The following SEZ6L variants were observed in gnomAD, a reference collection of about 807,000 sequenced individuals.
The protein encoded by SEZ6L is seizure 6-like protein.
A neutral mutation model predicts 106.2 loss-of-function variants in SEZ6L; 37 were observed. The ratio of observed to expected loss-of-function variants is 0.35; its 90% confidence interval spans 0.27 to 0.46. SEZ6L has a LOEUF of 0.46. Ranked by LOEUF, SEZ6L falls within the 20% of genes least tolerant of loss-of-function variation. SEZ6L has a pLI of 1.00. For synonymous variants in SEZ6L, 541 were observed against 570.4 expected, an observed-to-expected ratio of 0.95 and a Z score of 0.73; for missense variants, 1,172 against 1,332.8, an observed-to-expected ratio of 0.88 and a Z score of 1.88.
At chr22:26,310,290 C>A (rs2081776480) in intron 6 of SEZ6L, among the ~76,000 whole-genome samples, 1 of 152,146 alleles carries the variant, frequency 6.6e-6, no homozygotes, top group Non-Finnish European at 1.5e-5. Flanking sequence ...AATCCCAGCA[C>A]TTTGGGAGGC....
At chr22:26,172,508 G>A (rs1484837504) in intron 1 of SEZ6L, among the ~76,000 whole-genome samples, 1 of 152,086 alleles carries the variant, frequency 6.6e-6, no homozygotes, top group Non-Finnish European at 1.5e-5. Flanking sequence ...GTTCAAATGA[G>A]CTCGATTTAC....
intron 1 of SEZ6L, among the ~76,000 whole-genome samples, chr22:26,209,979 A>AGGGAGGG (rs1273627065): frequency 7.2e-6 from 1 of 138,996 alleles, no homozygotes; most frequent in Admixed American, 7.4e-5. Flanking sequence ...GGGAGGGAGG[A>AGGGAGGG]AGGAAGGAAG....
intron 1 of SEZ6L, among the ~76,000 whole-genome samples, chr22:26,246,033 T>C (rs1261071985): frequency 2.6e-5 from 4 of 152,222 alleles, no homozygotes; most frequent in Admixed American, 6.5e-5. Context: ...GAAGAGTTTA[T>C]AAAAATGAAA....
chr22:26,269,530 C>T (rs923902283), intron 1 of SEZ6L, among the ~76,000 whole-genome samples: 35 of 152,160 alleles, frequency 2.3e-4, no homozygotes, highest in African/African-American at 8.4e-4. Flanking sequence ...TTCTGTGTCC[C>T]TCTGGAAATT....
At chr22:26,312,239 A>C (rs1350541306) in intron 8 of SEZ6L, among the ~76,000 whole-genome samples, 2 of 152,258 alleles carry the variant, frequency 1.3e-5, no homozygotes, top group Non-Finnish European at 2.9e-5. Flanking sequence ...TCAGCTCCTA[A>C]ATACTCCCTC....
chr22:26,205,476 A>G (rs1210106608), intron 1 of SEZ6L, among the ~76,000 whole-genome samples: 1 of 152,200 alleles, frequency 6.6e-6, no homozygotes, highest in Admixed American at 6.5e-5. Context: ...CCTTGCTTCA[A>G]TTCAGTTTTG....
At chr22:26,366,706 T>TCAAACAAACAAA (rs35344967) in intron 13 of SEZ6L, among the ~76,000 whole-genome samples, 33 of 150,824 alleles carry the variant, frequency 2.2e-4, no homozygotes, top group Admixed American at 3.3e-4. Context: ...AGACTCTGTC[T>TCAAACAAACAAA]CAAACAAACA....
At chr22:26,366,019 AT>A (rs1283013047) in intron 13 of SEZ6L, among the ~76,000 whole-genome samples, 3 of 152,196 alleles carry the variant, frequency 2.0e-5, no homozygotes, top group Non-Finnish European at 4.4e-5. Flanking sequence ...CTGGCTTAGC[AT>A]TTTTATTTTT....
At chr22:26,211,942 A>G (rs2145704393) in intron 1 of SEZ6L, among the ~76,000 whole-genome samples, 1 of 152,254 alleles carries the variant, frequency 6.6e-6, no homozygotes, top group Admixed American at 6.5e-5. Context: ...ATCAAATATA[A>G]ATGAGGAGAG....
At chr22:26,257,861 G>T (rs1418332958) in intron 1 of SEZ6L, among the ~76,000 whole-genome samples, 1 of 152,200 alleles carries the variant, frequency 6.6e-6, no homozygotes, top group Non-Finnish European at 1.5e-5. Flanking sequence ...ACCCCAGGGA[G>T]TTTATCACAT....
chr22:26,262,235 T>A (rs2080033219), intron 1 of SEZ6L, among the ~76,000 whole-genome samples: 1 of 144,804 alleles, frequency 6.9e-6, no homozygotes, highest in Non-Finnish European at 1.5e-5. Flanking sequence ...TTTTATATAT[T>A]GATATATTTT....
At chr22:26,181,779 A>G (rs909929100) in intron 1 of SEZ6L, among the ~76,000 whole-genome samples, 2 of 152,198 alleles carry the variant, frequency 1.3e-5, no homozygotes, top group African/African-American at 4.8e-5. Flanking sequence ...TATACAGTAT[A>G]TGTAATATAT....
intron 9 of SEZ6L, among the ~76,000 whole-genome samples, chr22:26,325,172 T>C (rs1029419962): frequency 6.6e-6 from 1 of 152,144 alleles, no homozygotes; most frequent in African/African-American, 2.4e-5. Context: ...GAGCCCACAC[T>C]AGGAAGTGGC....
At chr22:26,374,420 A>G (rs921322292) in intron 14 of SEZ6L, among the ~76,000 whole-genome samples, 1 of 152,118 alleles carries the variant, frequency 6.6e-6, no homozygotes, top group African/African-American at 2.4e-5. Flanking sequence ...ACTTGAATCC[A>G]AGCAGGTGGA....
chr22:26,299,260 T>C (rs2081384430), intron 5 of SEZ6L, 91 bp downstream of exon 5: 1 of 1,117,504 alleles, frequency 8.9e-7, no homozygotes, highest in Non-Finnish European at 1.2e-6. Context: ...CCTCAGGGAA[T>C]GGCTTTCAGC....
chr22:26,213,175 C>A (rs2078208273), intron 1 of SEZ6L, among the ~76,000 whole-genome samples: 1 of 152,160 alleles, frequency 6.6e-6, no homozygotes, highest in African/African-American at 2.4e-5. Flanking sequence ...TTCTCCCTGA[C>A]CCCCAGGTTT....
chr22:26,190,023 G>A (rs561446327), intron 1 of SEZ6L, among the ~76,000 whole-genome samples: 2 of 151,828 alleles, frequency 1.3e-5, no homozygotes, highest in Admixed American at 1.3e-4. Context: ...CCTGAACCCG[G>A]GAGGCGGAGC....
intron 5 of SEZ6L, among the ~76,000 whole-genome samples, chr22:26,300,202 G>A (rs966950959): frequency 6.6e-6 from 1 of 152,108 alleles, no homozygotes; most frequent in South Asian, 2.1e-4. Flanking sequence ...TGTGCACAAC[G>A]TGCAGGTTTG....
At chr22:26,326,880 C>T (rs2082321226) in intron 9 of SEZ6L, among the ~76,000 whole-genome samples, 1 of 152,218 alleles carries the variant, frequency 6.6e-6, no homozygotes, top group African/African-American at 2.4e-5. Flanking sequence ...CCTGCAAACC[C>T]CTCTGGGGCC....
Sources: allele counts gnomAD v4.1 joint callset (sites outside exome capture counted in the v4.1 genomes callset), GRCh38; gene constraint gnomAD v4.1.1; transcripts MANE v1.5; gene names NCBI Gene and HGNC (gene_info 2026-07-23, HGNC 2026-07-21).